The following WDFY3 variants were observed in gnomAD, a reference collection of about 807,000 sequenced individuals.
The protein encoded by WDFY3 is WD repeat and FYVE domain containing 3.
Under a neutral mutation model 409.6 loss-of-function variants are expected in WDFY3, and 66 were observed. The ratio of observed to expected loss-of-function variants is 0.16; its 90% CI spans 0.13 to 0.20. WDFY3 has a LOEUF of 0.20. Among genes scored for constraint, WDFY3 ranks in the 10% least tolerant of loss-of-function variants. The pLI is 1.00. For synonymous variants in WDFY3, 1,521 were observed against 1,537.1 expected (o/e 0.99, Z 0.25); for missense variants, 3,031 against 4,298.1 (o/e 0.71, Z 8.24).
rs757586171 is a variant in WDFY3 at position 84,809,949 on chromosome 4, C to T, written c.2283G>A (p.Thr761=). Reference sequence around the variant, plus strand: ...TAAAAAGTTTACTGCAGTGCCGTAACGTGGGTGACACTGATTCTATTGAGA... The same window carrying T: ...TAAAAAGTTTACTGCAGTGCCGTAATGTGGGTGACACTGATTCTATTGAGA... ...DVISIESVSP[T]LRHCSKLFIY... Residue 761 remains threonine (T), a synonymous_variant, in exon 14 of 68, where the codon ACG becomes ACA. Transcript: ENST00000295888. 7 of 1,613,948 alleles carry T rather than the reference C, an allele frequency of 4.3e-6. No individual in the cohort carries two copies. The African/African-American group carries it at 5.3e-5, about 12-fold the overall frequency.
intron 58 of WDFY3, among the ~76,000 whole-genome samples, chr4:84,695,647 GT>G (rs1560544649): frequency 6.6e-6 from 1 of 151,764 alleles, no homozygotes; most frequent in Admixed American, 6.6e-5. Context: ...ATCAGCACTG[GT>G]TTCCCACTGG....
intron 3 of WDFY3, among the ~76,000 whole-genome samples, chr4:84,894,678 C>A (rs1362110877): frequency 6.6e-6 from 1 of 151,888 alleles, no homozygotes; most frequent in African/African-American, 2.4e-5. Flanking sequence ...CCCAGCTACT[C>A]AGGAGGCTGA....
Position 84,794,747 on chromosome 4 carries a change from A to C in WDFY3, c.3269-10T>G, listed in dbSNP as rs1749081893. 1 of 1,590,416 alleles carries C rather than the reference A, an allele frequency of 6.3e-7. No homozygotes were observed. Among genetic ancestry groups the C allele is most frequent in the Non-Finnish European group, 8.5e-7 (1 of 1,171,090 alleles). ...GGGAAGAATCTTTCACCTACAGTAA[A>C]AATTAAAAAAAAAAGTCTGTGTTGA... On this transcript the variant is annotated splice_polypyrimidine_tract_variant and intron_variant, in intron 20 of 67. Coordinates refer to ENST00000295888, the MANE Select transcript of WDFY3 (RefSeq NM_014991.6).
chr4:84,702,122 C>T (rs969958112), intron 56 of WDFY3, among the ~76,000 whole-genome samples: 1 of 152,198 alleles, frequency 6.6e-6, no homozygotes, highest in Non-Finnish European at 1.5e-5. Flanking sequence ...ATTTTCCTGC[C>T]TCAGCCTCCT....
At chr4:84,758,638 T>C (rs2149341437) in intron 32 of WDFY3, among the ~76,000 whole-genome samples, 1 of 152,312 alleles carries the variant, frequency 6.6e-6, no homozygotes, top group South Asian at 2.1e-4. Flanking sequence ...AGGAAAAATT[T>C]ATGTCTAGGT....
intron 62 of WDFY3, among the ~76,000 whole-genome samples, chr4:84,687,392 A>G (rs933842486): frequency 6.6e-6 from 1 of 152,114 alleles, no homozygotes; most frequent in Non-Finnish European, 1.5e-5. Context: ...ATCCGCCTGC[A>G]CTGACCTCCC....
intron 1 of WDFY3, among the ~76,000 whole-genome samples, chr4:84,951,732 G>C (rs1773636481): frequency 6.6e-6 from 1 of 152,258 alleles, no homozygotes; most frequent in Middle Eastern, 3.4e-3. Flanking sequence ...CATTAAAATA[G>C]TGCTTGCCAA....
At chr4:84,682,712 G>A in intron 63 of WDFY3, 1 of 442,376 alleles carries the variant, frequency 2.3e-6, no homozygotes, top group South Asian at 2.4e-5. Flanking sequence ...CAGGCCAGGT[G>A]TAGTGCTGCC....
intron 56 of WDFY3, among the ~76,000 whole-genome samples, chr4:84,698,437 G>A (rs1730507307): frequency 6.6e-6 from 1 of 151,474 alleles, no homozygotes; most frequent in Admixed American, 6.6e-5. Context: ...ACCATGCCTG[G>A]CTAATTATTT....
chr4:84,960,277 A>G lies in WDFY3; in HGVS notation c.-226+5932T>C, dbSNP rs190476338. 1.7e-3 allele frequency among the ~76,000 whole-genome samples: 262 copies of G among 152,292 alleles called. 3 individuals are homozygous for G. Among genetic ancestry groups the G allele is most frequent in the Admixed American group, 0.016 (251 of 15,292 alleles). ...AACTACTCAACCTCCAGATTTCTCA[A>G]TGAAGACAATGCTTCCTCCTGGAAG... On this transcript the variant is annotated intron_variant, in intron 1 of 67. Transcript: ENST00000295888.
At chr4:84,855,776 G>T (rs979627435) in intron 4 of WDFY3, among the ~76,000 whole-genome samples, 3 of 152,100 alleles carry the variant, frequency 2.0e-5, no homozygotes, top group Middle Eastern at 3.2e-3. Context: ...AATCAGTTAA[G>T]ATTTCTTATC....
chr4:84,838,876 A>G (rs555930960), intron 6 of WDFY3, among the ~76,000 whole-genome samples: 1 of 152,288 alleles, frequency 6.6e-6, no homozygotes, highest in East Asian at 1.9e-4. Context: ...ATGCCCCATT[A>G]TTAAATATTA....
chr4:84,894,500 A>G (rs1231771328), intron 3 of WDFY3, among the ~76,000 whole-genome samples: 2 of 151,866 alleles, frequency 1.3e-5, no homozygotes, highest in Non-Finnish European at 2.9e-5. Flanking sequence ...CTCTACTAAA[A>G]ATTAGGCTGG....
At chr4:84,840,076 A>G (rs543797772) in intron 6 of WDFY3, among the ~76,000 whole-genome samples, 1 of 152,220 alleles carries the variant, frequency 6.6e-6, no homozygotes, top group South Asian at 2.1e-4. Flanking sequence ...ACATGATGAG[A>G]GTGTTTGAAA....
chr4:84,761,872 T>C lies in WDFY3; in HGVS notation c.5188+3938A>G, dbSNP rs570051409. ...AAATCACATGAAAAAATGCTCACCATCACTGGCCATCAGAGAAATGCAAAT... is the reference window on the plus strand; with the variant it reads ...AAATCACATGAAAAAATGCTCACCACCACTGGCCATCAGAGAAATGCAAAT... On this transcript the variant is annotated intron_variant, in intron 32 of 67. Coordinates refer to ENST00000295888, the MANE Select transcript of WDFY3 (RefSeq NM_014991.6). 1.7e-3 allele frequency among the ~76,000 whole-genome samples: 261 copies of C among 152,310 alleles called. 1 individual carries two copies. The highest frequency in any genetic ancestry group is 5.8e-3 in the African/African-American group (242 of 41,572).
At chr4:84,744,089 T>G (rs1026510889) in intron 36 of WDFY3, among the ~76,000 whole-genome samples, 9 of 147,954 alleles carry the variant, frequency 6.1e-5, no homozygotes, top group African/African-American at 2.2e-4. Flanking sequence ...ATAGTTTATA[T>G]TATATAATAT....
chr4:84,707,589 TTC>T (rs1732182898), intron 53 of WDFY3, among the ~76,000 whole-genome samples: 1 of 152,182 alleles, frequency 6.6e-6, no homozygotes, highest in South Asian at 2.1e-4. Context: ...ACCTGCCATG[TTC>T]CTATGAGATA....
intron 2 of WDFY3, among the ~76,000 whole-genome samples, chr4:84,919,466 A>G (rs1016179562): frequency 3.3e-5 from 5 of 152,116 alleles, no homozygotes; most frequent in Admixed American, 6.6e-5. Flanking sequence ...ACCCTTTATT[A>G]GTTGCAAGGA....
chr4:84,900,992 C>T (rs1053170028), intron 2 of WDFY3, among the ~76,000 whole-genome samples: 4 of 152,132 alleles, frequency 2.6e-5, no homozygotes, highest in African/African-American at 7.2e-5. Flanking sequence ...AGGCAATGGC[C>T]GGTTCACTTG....
Sources: allele counts gnomAD v4.1 joint callset (sites outside exome capture counted in the v4.1 genomes callset), GRCh38; gene constraint gnomAD v4.1.1; transcripts MANE v1.5; gene names NCBI Gene and HGNC (gene_info 2026-07-23, HGNC 2026-07-21).